Variants in CLSTN2 observed in about 807,000 individuals in gnomAD.
CLSTN2 encodes the protein calsyntenin-2.
In CLSTN2, 48 loss-of-function variants were observed where a neutral mutation model predicts 101.2. That is an observed-to-expected ratio of 0.47 (90% CI 0.38 to 0.60). The LOEUF (loss-of-function observed/expected upper bound fraction) is 0.60, where lower values mean the gene tolerates loss of function less well. Among genes scored for constraint, CLSTN2 ranks in the 20% least tolerant of loss-of-function variants. CLSTN2 has a pLI of 0.00. For synonymous variants in CLSTN2, 481 were observed against 463.6 expected (o/e 1.04, Z -0.48); for missense variants, 1,160 against 1,238.2 (o/e 0.94, Z 0.95).
chr3:140,192,394 G>C (rs539003871), intron 2 of CLSTN2, among the ~76,000 whole-genome samples: 6 of 151,900 alleles, frequency 3.9e-5, no homozygotes, highest in Non-Finnish European at 7.4e-5. Flanking sequence ...ATTGAGGAAC[G>C]GATGTTGAAA....
intron 1 of CLSTN2, among the ~76,000 whole-genome samples, chr3:139,978,684 G>A (rs896810973): frequency 4.8e-5 from 6 of 125,382 alleles, no homozygotes; most frequent in African/African-American, 1.3e-4. Context: ...GTGTGTGTGT[G>A]TGTGTGTGTG....
rs1046451322 is a variant in CLSTN2 at position 140,576,999 on chromosome 3, G to A, written c.*10746G>A. The A allele has an allele frequency of 1.3e-5, 2 of 152,124 alleles. No homozygotes were observed. Among genetic ancestry groups the A allele is most frequent in the African/African-American group, 4.8e-5 (2 of 41,412 alleles). The allele number at this position is 152,124 out of a possible 1,614,324, so 9.4% of individuals were successfully genotyped here. On this transcript the variant is annotated 3_prime_UTR_variant, in exon 17 of 17. Coordinates refer to ENST00000458420, the MANE Select transcript of CLSTN2 (RefSeq NM_022131.3). Reference sequence around the variant, plus strand: ...CAACAAGGTTGCCCAGCCACAGAGGGTCAGAGAAAATGTCCTTTCCCCTCC... The same window carrying A: ...CAACAAGGTTGCCCAGCCACAGAGGATCAGAGAAAATGTCCTTTCCCCTCC...
At chr3:140,561,235 T>A (rs1316579256) in intron 12 of CLSTN2, among the ~76,000 whole-genome samples, 2 of 152,172 alleles carry the variant, frequency 1.3e-5, no homozygotes, top group African/African-American at 4.8e-5. Flanking sequence ...TGAAGACAAC[T>A]AGCCTATCAT....
chr3:139,963,328 T>A (rs971937510), intron 1 of CLSTN2, among the ~76,000 whole-genome samples: 1 of 152,186 alleles, frequency 6.6e-6, no homozygotes, highest in African/African-American at 2.4e-5. Context: ...TGAATTCAGC[T>A]TTTTTCTCTC....
chr3:140,218,742 C>A (rs1186168989), intron 2 of CLSTN2, among the ~76,000 whole-genome samples: 1 of 152,170 alleles, frequency 6.6e-6, no homozygotes, highest in African/African-American at 2.4e-5. Flanking sequence ...ATAACTAAAG[C>A]CCCATGAAAC....
At chr3:140,414,078 G>A (rs1214639445) in intron 4 of CLSTN2, among the ~76,000 whole-genome samples, 2 of 152,094 alleles carry the variant, frequency 1.3e-5, no homozygotes, top group African/African-American at 2.4e-5. Flanking sequence ...GAAATAAAAT[G>A]TACTCACATC....
intron 1 of CLSTN2, among the ~76,000 whole-genome samples, chr3:140,113,912 G>T (rs1250878882): frequency 6.6e-6 from 1 of 152,216 alleles, no homozygotes; most frequent in Non-Finnish European, 1.5e-5. Context: ...GTGATATGTA[G>T]TGTGGGAAGT....
At chr3:140,541,293 CA>C (rs762156085) in intron 9 of CLSTN2, among the ~76,000 whole-genome samples, 21 of 152,250 alleles carry the variant, frequency 1.4e-4, no homozygotes, top group Non-Finnish European at 2.2e-4. Context: ...TCTCAATACA[CA>C]AATTTAAAAA....
chr3:140,427,500 A>G (rs1284252640), intron 5 of CLSTN2, among the ~76,000 whole-genome samples: 1 of 151,984 alleles, frequency 6.6e-6, no homozygotes, highest in Non-Finnish European at 1.5e-5. Flanking sequence ...AGAGATGTCT[A>G]GTGGGCAGTG....
chr3:140,285,087 C>T (rs1044230085), intron 2 of CLSTN2, among the ~76,000 whole-genome samples: 13 of 152,050 alleles, frequency 8.5e-5, no homozygotes, highest in Admixed American at 4.6e-4. Flanking sequence ...AAGTGGAGCT[C>T]GGTTTCCCTG....
intron 5 of CLSTN2, among the ~76,000 whole-genome samples, chr3:140,441,457 TCTTA>T (rs2088763788): frequency 6.6e-6 from 1 of 152,240 alleles, no homozygotes; most frequent in African/African-American, 2.4e-5. Context: ...ACATTTATCA[TCTTA>T]CTTAGTCATC....
chr3:140,137,229 C>A (rs890284750), intron 1 of CLSTN2, among the ~76,000 whole-genome samples: 1 of 152,096 alleles, frequency 6.6e-6, no homozygotes, highest in Non-Finnish European at 1.5e-5. Context: ...GATACAAAAT[C>A]GCTGAAGCTG....
intron 1 of CLSTN2, among the ~76,000 whole-genome samples, chr3:139,969,556 C>T (rs1016422264): frequency 6.6e-6 from 1 of 152,210 alleles, no homozygotes; most frequent in Admixed American, 6.5e-5. Flanking sequence ...CTCTGACTCT[C>T]AGGCCCTGCC....
intron 2 of CLSTN2, among the ~76,000 whole-genome samples, chr3:140,358,186 T>A (rs1345426879): frequency 6.6e-6 from 1 of 152,006 alleles, no homozygotes; most frequent in East Asian, 1.9e-4. Context: ...TCTCTCAAAG[T>A]GTTAGGGAGA....
At position 140,297,913 on chromosome 3, in the gene CLSTN2, T is replaced by A. The variant is rs1299840155; in HGVS notation, c.233-105716T>A. Among the ~76,000 whole-genome samples the A allele has an allele frequency of 2.6e-5, 4 of 152,366 alleles. No individual in the cohort carries two copies. The South Asian group carries it at 8.3e-4, about 32-fold the overall frequency. On this transcript the variant is annotated intron_variant, in intron 2 of 16. Coordinates refer to ENST00000458420, the MANE Select transcript of CLSTN2 (RefSeq NM_022131.3). Reference sequence around the variant, plus strand: ...ACCCATTGAAAGTAGAAAATACATTTACCACTTACAATATTGTCATCTGAT... The same window carrying A: ...ACCCATTGAAAGTAGAAAATACATTAACCACTTACAATATTGTCATCTGAT...
chr3:140,184,991 A>G (rs1192901151), intron 2 of CLSTN2, among the ~76,000 whole-genome samples: 3 of 152,200 alleles, frequency 2.0e-5, no homozygotes, highest in Non-Finnish European at 4.4e-5. Context: ...GCCCATAGCA[A>G]TTCTGATATC....
At chr3:140,162,179 T>C (rs180871870) in intron 1 of CLSTN2, among the ~76,000 whole-genome samples, 1 of 152,192 alleles carries the variant, frequency 6.6e-6, no homozygotes, top group Non-Finnish European at 1.5e-5. Flanking sequence ...TTAGCACTTC[T>C]GTAAACATAA....
intron 2 of CLSTN2, among the ~76,000 whole-genome samples, chr3:140,281,717 G>A (rs1445161546): frequency 6.6e-6 from 1 of 151,430 alleles, no homozygotes; most frequent in Non-Finnish European, 1.5e-5. Flanking sequence ...TAATTTTAGA[G>A]GGAGTCTTCT....
chr3:140,451,143 G>A (rs530495797), intron 6 of CLSTN2, among the ~76,000 whole-genome samples: 3 of 152,168 alleles, frequency 2.0e-5, no homozygotes, highest in African/African-American at 7.2e-5. Flanking sequence ...AGTTAGCATC[G>A]TTTCCTAAAC....
Sources: gnomAD v4.1 joint callset for allele counts (sites outside exome capture counted in the v4.1 genomes callset) on GRCh38, gnomAD v4.1.1 for gene constraint, MANE v1.5 for transcripts, NCBI Gene and HGNC (gene_info 2026-07-23, HGNC 2026-07-21) for gene names.